The following TPST2 variants were observed in gnomAD, a reference collection of about 807,000 sequenced individuals.
TPST2 encodes protein-tyrosine sulfotransferase 2.
TPST2 carries 16 observed loss-of-function variants against 27.8 expected under a neutral mutation model. The observed-to-expected ratio is 0.58, with a 90% CI of 0.39 to 0.88. The LOEUF (loss-of-function observed/expected upper bound fraction) is 0.88, where lower values mean the gene tolerates loss of function less well. TPST2 is among the 40% of genes least tolerant of loss of function. The probability of loss-of-function intolerance (pLI) is 0.00; values close to 1 mark genes in which losing one functional copy is unlikely to be tolerated. For missense variants in TPST2, 464 were observed against 543.1 expected, an observed-to-expected ratio of 0.85 and a Z score of 1.45; for synonymous variants, 229 against 231.7, an observed-to-expected ratio of 0.99 and a Z score of 0.10.
intron 1 of TPST2, among the ~76,000 whole-genome samples, chr22:26,564,740 C>A (rs1484037871): frequency 6.6e-6 from 1 of 152,198 alleles, no homozygotes; most frequent in Non-Finnish European, 1.5e-5. Context: ...CACTGTTATT[C>A]TCCCCATTTG....
intron 1 of TPST2, among the ~76,000 whole-genome samples, chr22:26,586,945 G>C (rs577655171): frequency 1.3e-5 from 2 of 152,226 alleles, no homozygotes; most frequent in Admixed American, 1.3e-4. Flanking sequence ...GTCTGTGTGT[G>C]CAGAATGTTC....
At chr22:26,535,553 G>C (rs1011551502) in intron 4 of TPST2, among the ~76,000 whole-genome samples, 1 of 152,170 alleles carries the variant, frequency 6.6e-6, no homozygotes, top group African/African-American at 2.4e-5. Flanking sequence ...GTGAAGCAGG[G>C]GCATCCCTTA....
At chr22:26,538,569 C>A (rs1383986000) in intron 3 of TPST2, among the ~76,000 whole-genome samples, 1 of 152,254 alleles carries the variant, frequency 6.6e-6, no homozygotes, top group African/African-American at 2.4e-5. Context: ...TGCCTGTAAT[C>A]CCAGCACTTG....
Position 26,523,182 on chromosome 22 carries a change from C to A in TPST2, c.*3093G>T, listed in dbSNP as rs1477569982. Reference sequence around the variant, plus strand: ...GCAGCCTGAGCAACCAAGCGGGACTCTGTCTCCAAAACAAACAAACAAACA... The same window carrying A: ...GCAGCCTGAGCAACCAAGCGGGACTATGTCTCCAAAACAAACAAACAAACA... On this transcript the variant is annotated 3_prime_UTR_variant, in exon 7 of 7. Coordinates refer to ENST00000338754, the MANE Select transcript of TPST2 (RefSeq NM_003595.5). 1.4e-5 allele frequency: 2 copies of A among 139,148 alleles called. No individual in the cohort carries two copies. Among genetic ancestry groups the A allele is most frequent in the African/African-American group, 2.5e-5 (1 of 40,366 alleles). 8.6% of individuals were successfully genotyped at this position (139,148 alleles called of 1,614,324 possible). A position where few individuals can be genotyped will look rare whatever the true frequency, so the allele number is the denominator to read the frequency against.
intron 1 of TPST2, among the ~76,000 whole-genome samples, chr22:26,550,196 C>T (rs2147202417): frequency 6.6e-6 from 1 of 152,270 alleles, no homozygotes; most frequent in Non-Finnish European, 1.5e-5. Flanking sequence ...CCAATGTTTA[C>T]TGAGCAAGTA....
In TPST2 at chr22:26,541,101, T is replaced by C. The variant is rs758984700; in HGVS notation, c.530A>G (p.Lys177Arg). 1 of 1,607,362 alleles carries C rather than the reference T, an allele frequency of 6.2e-7. No homozygotes were observed. The highest frequency in any genetic ancestry group is 8.5e-7 in the Non-Finnish European group (1 of 1,174,838). ...VYLSRLFPNS[K>R]FLLMVRDGRA... ...GCCGTCCCGCACCATCAGCAGGAAC[T>C]TGGAGTTGGGGAACAGGCGCGACAG... Residue 177 changes from lysine (K) to arginine (R), a missense_variant, in exon 3 of 7, where the codon AAG becomes AGG. Coordinates refer to ENST00000338754, the MANE Select transcript of TPST2 (RefSeq NM_003595.5). The surrounding 1 kb of genome is among the most constrained non-coding windows in gnomAD (Gnocchi z 5.9).
At chr22:26,544,169 G>T (rs1358400032) in intron 2 of TPST2, among the ~76,000 whole-genome samples, 14 of 152,174 alleles carry the variant, frequency 9.2e-5, no homozygotes. Flanking sequence ...TCCAAAAAAG[G>T]AATAATAATA....
At chr22:26,583,231 T>TC (rs1928188210) in intron 1 of TPST2, among the ~76,000 whole-genome samples, 1 of 149,752 alleles carries the variant, frequency 6.7e-6, no homozygotes, top group African/African-American at 2.5e-5. Context: ...GGTGAGGAGT[T>TC]CAAGACCAGC....
At chr22:26,556,158 T>C (rs1926780494) in intron 1 of TPST2, among the ~76,000 whole-genome samples, 1 of 152,192 alleles carries the variant, frequency 6.6e-6, no homozygotes, top group African/African-American at 2.4e-5. Flanking sequence ...TGCTCCTTTA[T>C]TAAAGCAATC....
intron 1 of TPST2, among the ~76,000 whole-genome samples, chr22:26,563,398 A>G (rs1318529179): frequency 6.9e-6 from 1 of 144,994 alleles, no homozygotes; most frequent in Admixed American, 7.1e-5. Context: ...GCGTGATCTC[A>G]GCTCACTGCA....
At chr22:26,570,053 A>AAGAGAGAAAGAAAGAAAGACAGACAGAC in intron 1 of TPST2, among the ~76,000 whole-genome samples, 1 of 131,550 alleles carries the variant, frequency 7.6e-6, no homozygotes, top group Admixed American at 7.8e-5. Context: ...GACAGAAAGA[A>AAGAGAGAAAGAAAGAAAGACAGACAGAC]AGAAAGAAAG....
At chr22:26,567,114 T>C (rs5752346) in intron 1 of TPST2, among the ~76,000 whole-genome samples, 10 of 151,910 alleles carry the variant, frequency 6.6e-5, no homozygotes, top group Admixed American at 1.3e-4. Flanking sequence ...TAAGAGGGGG[T>C]GAGACTAAGC....
At chr22:26,560,780 A>G (rs1356964227) in intron 1 of TPST2, 4 of 1,278,648 alleles carry the variant, frequency 3.1e-6, no homozygotes, top group African/African-American at 1.5e-5. Flanking sequence ...AAGGGGAGAC[A>G]AAAAAGAAGT....
chr22:26,551,443 G>T (rs1926462575), intron 1 of TPST2, among the ~76,000 whole-genome samples: 1 of 152,106 alleles, frequency 6.6e-6, no homozygotes. Flanking sequence ...ATTTCCTGGG[G>T]CTCAGAGACG....
intron 1 of TPST2, chr22:26,565,389 G>T (rs1331263055): frequency 2.0e-5 from 3 of 152,290 alleles, no homozygotes; most frequent in Non-Finnish European, 2.9e-5. Context: ...TCAGCCTTGC[G>T]ATGGGCCTGC....
intron 4 of TPST2, among the ~76,000 whole-genome samples, chr22:26,533,738 G>GT (rs1925294800): frequency 6.6e-6 from 1 of 151,736 alleles, no homozygotes; most frequent in Non-Finnish European, 1.5e-5. Flanking sequence ...GCAGTGGTGC[G>GT]ATCACGGCTC....
intron 1 of TPST2, chr22:26,561,107 A>C (rs1569190226): frequency 6.2e-7 from 1 of 1,608,664 alleles, no homozygotes; most frequent in African/African-American, 1.3e-5. Context: ...AGGAAGATGA[A>C]GAGGATGAGG....
At chr22:26,543,469 ATTT>A (rs1925967711) in intron 2 of TPST2, among the ~76,000 whole-genome samples, 1 of 151,936 alleles carries the variant, frequency 6.6e-6, no homozygotes, top group South Asian at 2.1e-4. Context: ...ACCTTGGCTG[ATTT>A]TTTTGTGTGT....
intron 1 of TPST2, among the ~76,000 whole-genome samples, chr22:26,568,599 A>G (rs754775502): frequency 6.6e-6 from 1 of 152,154 alleles, no homozygotes; most frequent in Non-Finnish European, 1.5e-5. Context: ...TGAGCGTGCT[A>G]AAAGACACTC....
Sources: allele counts gnomAD v4.1 joint callset (sites outside exome capture counted in the v4.1 genomes callset), GRCh38; gene constraint gnomAD v4.1.1; non-coding constraint Gnocchi (gnomAD v3.1); transcripts MANE v1.5; gene names NCBI Gene and HGNC (gene_info 2026-07-23, HGNC 2026-07-21).